Variants in RNF6 observed in about 807,000 individuals in gnomAD.
The protein encoded by RNF6 is E3 ubiquitin-protein ligase RNF6.
In RNF6, 21 loss-of-function variants were observed where a neutral mutation model predicts 50.1. The ratio of observed to expected loss-of-function variants is 0.42; its 90% CI spans 0.30 to 0.60. RNF6 has a LOEUF of 0.60. Among genes scored for constraint, RNF6 ranks in the 20% least tolerant of loss-of-function variants. The pLI, the probability that RNF6 is intolerant of heterozygous loss-of-function variation, is 0.20. For synonymous variants in RNF6, 255 were observed against 291.8 expected, an observed-to-expected ratio of 0.87 and a Z score of 1.29; for missense variants, 698 against 838.2, an observed-to-expected ratio of 0.83 and a Z score of 2.07.
chr13:26,203,877 C>T (rs1333834791), intron 5 of RNF6, among the ~76,000 whole-genome samples: 1 of 152,082 alleles, frequency 6.6e-6, no homozygotes, highest in African/African-American at 2.4e-5. Flanking sequence ...GGCGTGAACC[C>T]GGGAGGCGGA....
At position 26,214,636 on chromosome 13, in the gene RNF6, TATCCCG is replaced by T. The variant is rs1375690474; in HGVS notation, c.1240_1245del (p.Arg414_Asp415del). ...CTGGATCGAGTTCTATTTGCAATAC[TATCCCG>T]ATCTCTATTTTCTCCAGGACGGATC... On this transcript the variant is annotated inframe_deletion, in exon 5 of 5. Transcript: ENST00000381588. 6 of 1,614,230 alleles carry T rather than the reference TATCCCG, an allele frequency of 3.7e-6. No individual in the cohort carries two copies. Among genetic ancestry groups the T allele is most frequent in the Non-Finnish European group, 4.2e-6 (5 of 1,180,038 alleles).
In RNF6 at chr13:26,181,168, C is replaced by T. The variant is rs7322847; in HGVS notation, n.768+34306G>A. Among the ~76,000 whole-genome samples, 1,154 of 152,286 alleles carry T rather than the reference C, an allele frequency of 7.6e-3. 9 individuals carry two copies. The highest frequency in any genetic ancestry group is 0.026 in the African/African-American group (1,083 of 41,552). The stretch of plus-strand genomic sequence containing the variant: ...AGGTACTCCTTGGTTCCATTCCCCG[C>T]CCCTGTGCACCCAGGAAAAGCAGCA... On this transcript the variant is annotated intron_variant and non_coding_transcript_variant, in intron 5 of 5. Transcript: ENST00000468480.
At chr13:26,174,751 G>T (rs1284734125) in intron 5 of RNF6, among the ~76,000 whole-genome samples, 1 of 152,110 alleles carries the variant, frequency 6.6e-6, no homozygotes, top group Non-Finnish European at 1.5e-5. Flanking sequence ...CCAGATTGCA[G>T]CCCCTGGAAT....
rs1369325978 is a variant in RNF6 at position 26,214,136 on chromosome 13, T to C, written c.1746A>G (p.Thr582=). The change falls in exon 5 of 5, where the codon ACA becomes ACG. Residue 582 remains threonine (T), a synonymous_variant. Transcript: ENST00000381588. ...RNPNNLVETG[T]LPILRLAHFF... is the part of the protein sequence containing the mutation. ...AGTGAGCAAGGCGAAGAATGGGTAG[T>C]GTTCCAGTTTCAACTAAATTGTTTG... 2 of 1,614,244 alleles carry C rather than the reference T, an allele frequency of 1.2e-6. No homozygotes were observed. Among genetic ancestry groups the C allele is most frequent in the Admixed American group, 1.7e-5 (1 of 60,024 alleles).
downstream of RNF6, among the ~76,000 whole-genome samples, chr13:26,209,529 G>A (rs372376863): frequency 1.8e-4 from 27 of 152,292 alleles, no homozygotes; most frequent in East Asian, 4.8e-3. Context: ...CCCATAATCT[G>A]CAGAATGGTG....
chr13:26,164,121 C>T (rs1050606868), intron 5 of RNF6, among the ~76,000 whole-genome samples: 1 of 152,092 alleles, frequency 6.6e-6, no homozygotes, highest in African/African-American at 2.4e-5. Context: ...GACAGTGGGG[C>T]CCTCACTTGT....
chr13:26,211,143 T>C (rs1375351438), downstream of RNF6, among the ~76,000 whole-genome samples: 2 of 152,266 alleles, frequency 1.3e-5, no homozygotes, highest in African/African-American at 2.4e-5. Flanking sequence ...GCCTTGTTTA[T>C]TGGGAAATGA....
At chr13:26,219,353 T>G in intron 3 of RNF6, 104 bp downstream of exon 3, 1 of 987,996 alleles carries the variant, frequency 1.0e-6, no homozygotes, top group Non-Finnish European at 1.4e-6. Flanking sequence ...ATACTATATT[T>G]TCATAAAGAG....
intron 5 of RNF6, among the ~76,000 whole-genome samples, chr13:26,144,248 G>A (rs1037849662): frequency 6.6e-6 from 1 of 152,002 alleles, no homozygotes; most frequent in Non-Finnish European, 1.5e-5. Flanking sequence ...GGGCTCAATG[G>A]GCAACAATAA....
At chr13:26,155,843 C>A (rs563738688) in intron 5 of RNF6, among the ~76,000 whole-genome samples, 2 of 152,260 alleles carry the variant, frequency 1.3e-5, no homozygotes, top group African/African-American at 4.8e-5. Flanking sequence ...GCTTTGGGTG[C>A]AGCTCTTTCA....
chr13:26,216,307 G>A (rs1358076286), intron 4 of RNF6, among the ~76,000 whole-genome samples: 1 of 151,916 alleles, frequency 6.6e-6, no homozygotes, highest in African/African-American at 2.4e-5. Flanking sequence ...CATAATATCT[G>A]GCACATAAAA....
intron 5 of RNF6, among the ~76,000 whole-genome samples, chr13:26,148,436 A>G (rs1871364751): frequency 6.6e-6 from 1 of 151,746 alleles, no homozygotes; most frequent in Admixed American, 6.6e-5. Context: ...ATGAACTATC[A>G]GTGCTCTCTT....
intron 5 of RNF6, among the ~76,000 whole-genome samples, chr13:26,134,596 C>T (rs1870554714): frequency 2.6e-5 from 4 of 152,234 alleles, no homozygotes; most frequent in East Asian, 1.9e-4. Context: ...GGGAACTCAC[C>T]ACCATGTTGT....
chr13:26,137,854 A>G (rs1870732545), intron 5 of RNF6, among the ~76,000 whole-genome samples: 1 of 152,090 alleles, frequency 6.6e-6, no homozygotes, highest in African/African-American at 2.4e-5. Flanking sequence ...TTAGAGACCT[A>G]TGAGACAAAA....
At chr13:26,186,218 G>A (rs1272860958) in intron 5 of RNF6, among the ~76,000 whole-genome samples, 2 of 152,356 alleles carry the variant, frequency 1.3e-5, no homozygotes, top group South Asian at 4.1e-4. Context: ...TTCAAAAACA[G>A]ATCTTAAAAA....
rs187326376 is a variant in RNF6, at chr13:26,137,910, G to A, written n.769-5459C>T. Among the ~76,000 whole-genome samples the A allele has an allele frequency of 1.8e-4, 28 of 152,046 alleles. No individual in the cohort carries two copies. The East Asian group carries it at 2.7e-3, about 15-fold the overall frequency. On this transcript the variant is annotated intron_variant and non_coding_transcript_variant, in intron 5 of 5. Transcript: ENST00000468480. Reference sequence around the variant, plus strand: ...ATAATGAAAATCCTAGAGGAAAGGAGGAAGACACATGAAGAAGAACATTTA... The same window carrying A: ...ATAATGAAAATCCTAGAGGAAAGGAAGAAGACACATGAAGAAGAACATTTA...
intron 5 of RNF6, among the ~76,000 whole-genome samples, chr13:26,178,621 T>TGC (rs1318109635): frequency 6.6e-6 from 1 of 151,346 alleles, no homozygotes; most frequent in Non-Finnish European, 1.5e-5. Flanking sequence ...TGTGTGTGTG[T>TGC]GTGTGTGTGT....
rs777220501 is a variant in RNF6 at position 26,214,565 on chromosome 13, C to G, written c.1317G>C (p.Gly439=). 2 of 1,613,992 alleles carry G rather than the reference C, an allele frequency of 1.2e-6. No individual in the cohort carries two copies. The highest frequency in any genetic ancestry group is 1.7e-5 in the Admixed American group (1 of 60,008). Residue 439 remains glycine (G), a synonymous_variant, in exon 5 of 5, where the codon GGG becomes GGC. Coordinates refer to ENST00000381588, the MANE Select transcript of RNF6 (RefSeq NM_005977.4). The part of the protein sequence containing the change: ...ENTVTIESNS[G]GFRRTISRLE... The stretch of plus-strand genomic sequence containing the variant: ...AACGAGAAATGGTTCGGCGAAAGCC[C>G]CCACTATTGCTTTCAATAGTGACTG...
chr13:26,213,690 C>T lies in RNF6; in HGVS notation c.*134G>A. 3.6e-6 allele frequency: 2 copies of T among 553,226 alleles called. No homozygotes were observed. Among genetic ancestry groups the T allele is most frequent in the Non-Finnish European group, 5.7e-6 (2 of 351,898 alleles). The allele number at this position is 553,226 out of a possible 1,614,324, so 34.3% of individuals were successfully genotyped here. ...TTTCTTTTTAACAAGTTTAAAAAAG[C>T]ACACGAAAAATAGTTCAAACTATAT... On this transcript the variant is annotated 3_prime_UTR_variant, in exon 5 of 5. Coordinates refer to ENST00000381588, the MANE Select transcript of RNF6 (RefSeq NM_005977.4).
Sources: gnomAD v4.1 joint callset for allele counts (sites outside exome capture counted in the v4.1 genomes callset) on GRCh38, gnomAD v4.1.1 for gene constraint, MANE v1.5 for transcripts, NCBI Gene and HGNC (gene_info 2026-07-23, HGNC 2026-07-21) for gene names.